EIF3B: variants seen among roughly 807,000 people sequenced by gnomAD.
EIF3B encodes eukaryotic translation initiation factor 3 subunit 9.
EIF3B carries 10 observed loss-of-function variants against 104.6 expected under a neutral mutation model. The observed-to-expected ratio is 0.10, with a 90% CI of 0.06 to 0.16. EIF3B has a LOEUF of 0.16. Ranked by LOEUF, EIF3B falls within the 10% of genes least tolerant of loss-of-function variation. The pLI, the probability that EIF3B is intolerant of heterozygous loss-of-function variation, is 1.00. For synonymous variants in EIF3B, 542 were observed against 417.2 expected (o/e 1.30, Z -3.65); for missense variants, 1,014 against 1,087.9 (o/e 0.93, Z 0.96).
chr7:2,355,960 T>C (rs1241256330), intron 1 of EIF3B, among the ~76,000 whole-genome samples: 1 of 152,154 alleles, frequency 6.6e-6, no homozygotes, highest in Non-Finnish European at 1.5e-5. Flanking sequence ...TTGATTTTTC[T>C]TTATCTCTTG....
intron 16 of EIF3B, 89 bp from the exon 17 acceptor site, chr7:2,379,045 T>C: frequency 8.8e-7 from 1 of 1,142,490 alleles, no homozygotes; most frequent in South Asian, 1.4e-5. Flanking sequence ...TATGCTGTCC[T>C]TCTGGCACCG....
intron 3 of EIF3B, 46 bp from the exon 4 acceptor site, chr7:2,363,024 T>G: frequency 6.2e-7 from 1 of 1,607,064 alleles, no homozygotes; most frequent in African/African-American, 1.3e-5. Flanking sequence ...AGTTGCTCTT[T>G]CTAGTCGTCA....
intron 11 of EIF3B, 30 bp downstream of exon 11, chr7:2,371,879 A>G (rs1780357685): frequency 1.9e-6 from 3 of 1,560,122 alleles, no homozygotes; most frequent in Non-Finnish European, 2.7e-6. Flanking sequence ...CTTTGAGGCG[A>G]ATGGGGCCTA....
rs1219438889 is a variant in EIF3B at position 2,355,406 on chromosome 7, A to G, written c.485A>G (p.Asp162Gly). ...AGCGACCCCGAGGACTTCGTGGACG[A>G]CGTGAGCGAGGAAGGTGAGGGCGCC... ...SFSDPEDFVD[D>G]VSEEELLGDV... Residue 162 changes from aspartate to glycine, a missense_variant, in exon 1 of 19, where the codon GAC becomes GGC. Around this residue, in one of 4 missense-constraint regions of EIF3B, gnomAD observed 488 missense variants for 404.3 expected, o/e 1.21. Transcript: ENST00000360876. 7 of 1,474,986 alleles carry G rather than the reference A, an allele frequency of 4.7e-6. No homozygotes were observed. The highest frequency in any genetic ancestry group is 2.2e-5 in the Admixed American group (1 of 45,612). The allele number at this position is 1,474,986 out of a possible 1,614,324, so 91.4% of individuals were successfully genotyped here.
chr7:2,367,174 C>A, intron 9 of EIF3B, 129 bp downstream of exon 9: 1 of 932,090 alleles, frequency 1.1e-6, no homozygotes, highest in Non-Finnish European at 1.6e-6. Context: ...TCTCCCAGTT[C>A]TGGAGCTTGG....
In EIF3B at chr7:2,360,618, G is replaced by T. The variant is rs1428965088; in HGVS notation, c.500-92G>T. On this transcript the variant is annotated intron_variant, in intron 1 of 18. Transcript: ENST00000360876. ...AGTGAAAGCATTTAGACAATTCATT[G>T]TCTCTTCTTGAAGACTTGTTTAGTG... 10 of 1,038,604 alleles carry T rather than the reference G, an allele frequency of 9.6e-6. No homozygotes were observed. In the African/African-American group the frequency reaches 1.6e-4, roughly 17 times the overall value. The allele number at this position is 1,038,604 out of a possible 1,614,324, so 64.3% of individuals were successfully genotyped here.
intron 9 of EIF3B, among the ~76,000 whole-genome samples, chr7:2,368,288 G>A (rs1331683264): frequency 6.6e-6 from 1 of 151,952 alleles, no homozygotes; most frequent in Non-Finnish European, 1.5e-5. Context: ...AATTACAGGC[G>A]CGCAACCACT....
chr7:2,370,534 TTTATG>T (rs1264239827), intron 10 of EIF3B, among the ~76,000 whole-genome samples: 1 of 152,152 alleles, frequency 6.6e-6, no homozygotes, highest in Non-Finnish European at 1.5e-5. Context: ...TCTTCTTTCT[TTTATG>T]TTAAGAAAGC....
At position 2,369,709 on chromosome 7, in the gene EIF3B, G is replaced by T. The variant is rs374063867; in HGVS notation, c.1614+27G>T. ...TATGTAGATTCCCACAGGAACTGACGATTCCTTATCCTGAGCTCTGAAGTG... is the reference window on the plus strand; with the variant it reads ...TATGTAGATTCCCACAGGAACTGACTATTCCTTATCCTGAGCTCTGAAGTG... On this transcript the variant is annotated intron_variant, in intron 10 of 18. Transcript: ENST00000360876. The T allele has an allele frequency of 2.5e-6, 4 of 1,599,252 alleles. No homozygotes were observed. The African/African-American group carries it at 5.4e-5, about 22-fold the overall frequency.
At chr7:2,374,713 G>T in intron 13 of EIF3B, 107 bp downstream of exon 13, 1 of 1,058,960 alleles carries the variant, frequency 9.4e-7, no homozygotes, top group Non-Finnish European at 1.4e-6. Context: ...AGTATTGTGC[G>T]CTGAAAGGGT....
intron 10 of EIF3B, among the ~76,000 whole-genome samples, chr7:2,369,949 GTATTTT>G (rs1780234136): frequency 6.6e-6 from 1 of 151,406 alleles, no homozygotes; most frequent in Admixed American, 6.6e-5. Context: ...GCTAATTTTT[GTATTTT>G]TATTAGAGAC....
Position 2,369,797 on chromosome 7 carries a change from A to G in EIF3B, c.1614+115A>G, listed in dbSNP as rs149526055. The stretch of plus-strand genomic sequence containing the variant: ...TTTTTTTTTTTTTTTTTTTTTTTTG[A>G]GATGGAGTCTCACTCTGTCACCAGG... On this transcript the variant is annotated intron_variant, in intron 10 of 18. Coordinates refer to ENST00000360876, the MANE Select transcript of EIF3B (RefSeq NM_001037283.2). 2.6e-3 allele frequency: 1,739 copies of G among 659,480 alleles called. 38 individuals are homozygous for G. The African/African-American group carries it at 0.044, about 17-fold the overall frequency. The allele number at this position is 659,480 out of a possible 1,614,324, so 40.9% of individuals were successfully genotyped here.
rs2115348905 is a variant in EIF3B, at chr7:2,380,332, C to G, written c.*143C>G. The G allele has an allele frequency of 1.9e-6, 1 of 518,432 alleles. No individual in the cohort carries two copies. The highest frequency in any genetic ancestry group is 1.4e-5 in the South Asian group (1 of 71,412). 32.1% of individuals were successfully genotyped at this position (518,432 alleles called of 1,614,324 possible). On this transcript the variant is annotated 3_prime_UTR_variant, in exon 19 of 19. Transcript: ENST00000360876. ...CCGTCCTGCAGGAAGCCGCGTGACTCCCGCCTCCTCCCTGTGCTCTCTGGC... is the reference window on the plus strand; with the variant it reads ...CCGTCCTGCAGGAAGCCGCGTGACTGCCGCCTCCTCCCTGTGCTCTCTGGC...
chr7:2,360,727 C>T lies in EIF3B; in HGVS notation c.517C>T (p.Leu173Phe). ...TTGTTCAGAATTACTGGGAGATGTA[C>T]TCAAAGATCGGCCCCAGGAAGCAGA... ...VSEEELLGDVLKDRPQEADGI... is the reference protein window; with the variant it reads ...VSEEELLGDVFKDRPQEADGI... Residue 173 changes from leucine to phenylalanine, a missense_variant, in exon 2 of 19, where the codon CTC (leucine) becomes TTC (phenylalanine). Physicochemically the swap from Leu to Phe is conservative, Grantham distance 22. Transcript: ENST00000360876. 1 of 1,589,138 alleles carries T rather than the reference C, an allele frequency of 6.3e-7. No homozygotes were observed. The highest frequency in any genetic ancestry group is 8.6e-7 in the Non-Finnish European group (1 of 1,160,948).
At chr7:2,360,682 G>T in intron 1 of EIF3B, 28 bp from the exon 2 acceptor site, 2 of 1,549,276 alleles carry the variant, frequency 1.3e-6, no homozygotes, top group Non-Finnish European at 1.8e-6. Flanking sequence ...TGGTAAAAAT[G>T]ATCATTTGAA....
intron 17 of EIF3B, 42 bp from the exon 18 acceptor site, chr7:2,379,352 G>A (rs750674429): frequency 6.4e-7 from 1 of 1,558,094 alleles, no homozygotes; most frequent in South Asian, 1.2e-5. Context: ...GTGCCACTAG[G>A]CATGTGCCCC....
At chr7:2,358,126 A>T (rs1779550141) in intron 1 of EIF3B, among the ~76,000 whole-genome samples, 1 of 151,420 alleles carries the variant, frequency 6.6e-6, no homozygotes, top group Admixed American at 6.6e-5. Context: ...ACAGAGTCTC[A>T]TTCTCTTGCT....
rs1418842213 is a variant in EIF3B, at chr7:2,374,550, G to A, written c.1833G>A (p.Ala611=). 8 of 1,613,924 alleles carry A rather than the reference G, an allele frequency of 5.0e-6. No individual in the cohort carries two copies. Among genetic ancestry groups the A allele is most frequent in the African/African-American group, 4.0e-5 (3 of 74,904 alleles). ...CAGAGATGTTCGACAAGCAGCAGGC[G>A]AACACCATCTTCTGGAGCCCCCAAG... ...ELIKMFDKQQ[A]NTIFWSPQGQ... is the part of the protein sequence containing the mutation. The change falls in exon 13 of 19, where the codon GCG becomes GCA. Residue 611 remains alanine, a synonymous_variant. Coordinates refer to ENST00000360876, the MANE Select transcript of EIF3B (RefSeq NM_001037283.2).
At chr7:2,378,913 G>A in intron 16 of EIF3B, 147 bp downstream of exon 16, 1 of 809,370 alleles carries the variant, frequency 1.2e-6, no homozygotes, top group Non-Finnish European at 2.0e-6. Context: ...GGATGCACTG[G>A]GGAACTGGGG....
Sources: allele counts gnomAD v4.1 joint callset (sites outside exome capture counted in the v4.1 genomes callset), GRCh38; gene constraint gnomAD v4.1.1; regional missense constraint gnomAD v4.1.1; transcripts MANE v1.5; gene names NCBI Gene and HGNC (gene_info 2026-07-23, HGNC 2026-07-21).